Variants in CDIN1 observed in about 807,000 individuals in gnomAD.
CDIN1 encodes the protein CDAN1 interacting nuclease 1.
In CDIN1, 33 loss-of-function variants were observed where a neutral mutation model predicts 45.3. The observed-to-expected ratio is 0.73, with a 90% confidence interval of 0.55 to 0.97. CDIN1 has a LOEUF of 0.97. Among genes scored for constraint, CDIN1 ranks in the 50% least tolerant of loss-of-function variants. The pLI is 0.00. For missense variants in CDIN1, 303 were observed against 339.4 expected (o/e 0.89, Z 0.84); for synonymous variants, 118 against 124.4 (o/e 0.95, Z 0.34).
intron 5 of CDIN1, among the ~76,000 whole-genome samples, chr15:36,683,235 A>G (rs911321209): frequency 7.3e-5 from 11 of 150,242 alleles, no homozygotes; most frequent in Non-Finnish European, 1.2e-4. Flanking sequence ...TCTTTAATCC[A>G]TCTTGAATTG....
At chr15:36,710,391 A>G (rs1280752258) in intron 10 of CDIN1, among the ~76,000 whole-genome samples, 1 of 152,202 alleles carries the variant, frequency 6.6e-6, no homozygotes, top group East Asian at 1.9e-4. Flanking sequence ...ACACCTTCCA[A>G]GAATAGAGAA....
At chr15:36,719,042 AGT>A (rs2043316116) in intron 10 of CDIN1, among the ~76,000 whole-genome samples, 1 of 151,578 alleles carries the variant, frequency 6.6e-6, no homozygotes, top group South Asian at 2.1e-4. Context: ...TGGGCAACAT[AGT>A]GAGACCCTGT....
At chr15:36,602,875 C>G (rs1369760781) in intron 1 of CDIN1, among the ~76,000 whole-genome samples, 2 of 151,982 alleles carry the variant, frequency 1.3e-5, no homozygotes, top group African/African-American at 4.8e-5. Flanking sequence ...GTAGTCCCAG[C>G]TACTTGGGAG....
intron 4 of CDIN1, among the ~76,000 whole-genome samples, chr15:36,656,700 G>A (rs532439144): frequency 4.6e-5 from 7 of 152,232 alleles, no homozygotes; most frequent in African/African-American, 1.7e-4. Context: ...CATTTTTCAT[G>A]TGTCAGCTCT....
Position 36,624,452 on chromosome 15 carries a change from G to A in CDIN1, c.102-19826G>A, listed in dbSNP as rs528253207. On this transcript the variant is annotated intron_variant, in intron 1 of 10. Coordinates refer to ENST00000566621, the MANE Select transcript of CDIN1 (RefSeq NM_001321759.2). ...ATTGCCAGCATTTATTATTAAAGTGGGTGGTTGTAGAATAATTATAGTCCA... is the reference window on the plus strand; with the variant it reads ...ATTGCCAGCATTTATTATTAAAGTGAGTGGTTGTAGAATAATTATAGTCCA... Among the ~76,000 whole-genome samples the A allele has an allele frequency of 2.0e-5, 3 of 152,220 alleles. No homozygotes were observed. In the South Asian group the frequency reaches 6.2e-4, roughly 32 times the overall value.
chr15:36,653,516 T>G (rs370686080), intron 3 of CDIN1, among the ~76,000 whole-genome samples: 5 of 152,052 alleles, frequency 3.3e-5, no homozygotes, highest in East Asian at 3.9e-4. Flanking sequence ...TTGGGGATTT[T>G]GGGGAGTTGT....
chr15:36,752,984 G>A (rs7174237), intron 10 of CDIN1, among the ~76,000 whole-genome samples: 29,108 of 152,052 alleles, frequency 0.19, 2,912 homozygotes, highest in East Asian at 0.29. Context: ...ATTAAATAGT[G>A]TTTTGGAAGA....
chr15:36,758,285 G>T (rs1437558167), intron 10 of CDIN1, among the ~76,000 whole-genome samples: 2 of 152,064 alleles, frequency 1.3e-5, no homozygotes, highest in East Asian at 3.9e-4. Flanking sequence ...AGTAGCTTCT[G>T]GCCTTGATAG....
chr15:36,731,837 T>C (rs1375703028), intron 10 of CDIN1, among the ~76,000 whole-genome samples: 1 of 152,176 alleles, frequency 6.6e-6, no homozygotes, highest in East Asian at 1.9e-4. Context: ...CCCAGGATTA[T>C]TAAAAAACAA....
At chr15:36,759,108 A>G (rs569307445) in intron 10 of CDIN1, among the ~76,000 whole-genome samples, 4 of 152,220 alleles carry the variant, frequency 2.6e-5, no homozygotes, top group African/African-American at 9.6e-5. Context: ...GTTTTCATCG[A>G]GAGCAGAATA....
At chr15:36,654,942 T>G (rs941664609) in intron 4 of CDIN1, among the ~76,000 whole-genome samples, 1 of 152,214 alleles carries the variant, frequency 6.6e-6, no homozygotes, top group African/African-American at 2.4e-5. Flanking sequence ...GCAAACCTCG[T>G]AGGGATGGAA....
intron 10 of CDIN1, among the ~76,000 whole-genome samples, chr15:36,739,565 G>C (rs2044159067): frequency 6.6e-6 from 1 of 152,146 alleles, no homozygotes; most frequent in Admixed American, 6.5e-5. Context: ...TGTTTTATAT[G>C]TTATCAGTAT....
chr15:36,629,507 C>T (rs1286812413), intron 1 of CDIN1, among the ~76,000 whole-genome samples: 2 of 152,152 alleles, frequency 1.3e-5, no homozygotes. Context: ...TTATCTCGCT[C>T]ATGGTAATAA....
Position 36,644,312 on chromosome 15 carries a change from C to G in CDIN1, c.136C>G (p.Gln46Glu), listed in dbSNP as rs749644936. ...SQATLLSIFSQEYQKHIKRTH... is the reference protein window; with the variant it reads ...SQATLLSIFSEEYQKHIKRTH... ...GGCCACTCTGCTGAGCATCTTCTCC[C>G]AGGAGTACCAGGTTAGAAGTTTTCT... The change falls in exon 2 of 11, where the codon CAG becomes GAG. Residue 46 changes from glutamine (Q) to glutamate (E), a missense_variant. Gln to Glu is a conservative substitution (Grantham distance 29). Coordinates refer to ENST00000566621, the MANE Select transcript of CDIN1 (RefSeq NM_001321759.2). 1.9e-6 allele frequency: 3 copies of G among 1,613,584 alleles called. No individual in the cohort carries two copies. The South Asian group carries it at 3.3e-5, about 18-fold the overall frequency.
chr15:36,617,457 A>G lies in CDIN1; in HGVS notation c.102-26821A>G, dbSNP rs1417270289. The G allele has an allele frequency of 7.5e-5, 74 of 989,364 alleles. 1 individual carries two copies. The South Asian group carries it at 8.9e-4, about 12-fold the overall frequency. The allele number at this position is 989,364 out of a possible 1,614,324, so 61.3% of individuals were successfully genotyped here. ...CTACAGAAGACCTAAAAGAATGTCT[A>G]AAGAAACAATTAGAATTCTGGTTTT... On this transcript the variant is annotated intron_variant, in intron 1 of 10. Coordinates refer to ENST00000566621, the MANE Select transcript of CDIN1 (RefSeq NM_001321759.2).
chr15:36,738,714 C>G (rs1281466239), intron 10 of CDIN1, among the ~76,000 whole-genome samples: 1 of 152,174 alleles, frequency 6.6e-6, no homozygotes, highest in African/African-American at 2.4e-5. Context: ...ATCTGACCCC[C>G]CCAACAGCCT....
intron 5 of CDIN1, among the ~76,000 whole-genome samples, chr15:36,673,847 T>C (rs544758952): frequency 1.3e-5 from 2 of 152,218 alleles, no homozygotes; most frequent in Non-Finnish European, 2.9e-5. Flanking sequence ...AGACTGATGC[T>C]CATGCTTTTG....
chr15:36,791,170 C>G (rs1168764707), intron 10 of CDIN1, among the ~76,000 whole-genome samples: 2 of 151,988 alleles, frequency 1.3e-5, no homozygotes, highest in Non-Finnish European at 2.9e-5. Context: ...AATCATTCAG[C>G]CCATCTTACA....
intron 10 of CDIN1, among the ~76,000 whole-genome samples, chr15:36,727,350 A>G (rs549781849): frequency 4.4e-4 from 67 of 151,836 alleles, no homozygotes; most frequent in African/African-American, 1.4e-3. Context: ...AAAAAAAAAA[A>G]AAAAGAAAAA....
Sources: allele counts gnomAD v4.1 joint callset (sites outside exome capture counted in the v4.1 genomes callset), GRCh38; gene constraint gnomAD v4.1.1; transcripts MANE v1.5; gene names NCBI Gene and HGNC (gene_info 2026-07-23, HGNC 2026-07-21).